Variants in SLC9A9 observed in about 807,000 individuals in gnomAD.
The protein encoded by SLC9A9 is solute carrier family 9 member A9.
A neutral mutation model predicts 77.8 loss-of-function variants in SLC9A9; 62 were observed. The ratio of observed to expected loss-of-function variants is 0.80; its 90% CI spans 0.65 to 0.98. The LOEUF (loss-of-function observed/expected upper bound fraction) is 0.98. Among genes scored for constraint, SLC9A9 ranks in the 50% least tolerant of loss-of-function variants. The probability of loss-of-function intolerance (pLI) is 0.00; values close to 1 mark genes in which losing one functional copy is unlikely to be tolerated. For synonymous variants in SLC9A9, 320 were observed against 283.5 expected (o/e 1.13, Z -1.29); for missense variants, 775 against 774.9 (o/e 1.00, Z 0.00).
intron 6 of SLC9A9, among the ~76,000 whole-genome samples, chr3:143,626,186 A>G (rs572351476): frequency 6.6e-4 from 100 of 152,350 alleles, no homozygotes; most frequent in Non-Finnish European, 1.1e-3. Flanking sequence ...AACTAGTTCA[A>G]CCATTGTGGA....
chr3:143,747,728 A>G (rs1332999502), intron 4 of SLC9A9, among the ~76,000 whole-genome samples: 1 of 152,250 alleles, frequency 6.6e-6, no homozygotes, highest in Non-Finnish European at 1.5e-5. Context: ...AGCCCTGCTG[A>G]TACCTTGGTT....
intron 4 of SLC9A9, among the ~76,000 whole-genome samples, chr3:143,708,506 A>T (rs1206946580): frequency 6.6e-6 from 1 of 152,160 alleles, no homozygotes; most frequent in Non-Finnish European, 1.5e-5. Flanking sequence ...ACCTTCTTCC[A>T]TCAGAAAACT....
At chr3:143,827,107 T>C (rs2009319269) in intron 2 of SLC9A9, among the ~76,000 whole-genome samples, 1 of 152,188 alleles carries the variant, frequency 6.6e-6, no homozygotes, top group Non-Finnish European at 1.5e-5. Flanking sequence ...TCAAAACAGG[T>C]TTTGAACTTC....
chr3:143,459,501 C>T (rs574412665), intron 12 of SLC9A9, among the ~76,000 whole-genome samples: 1 of 152,066 alleles, frequency 6.6e-6, no homozygotes, highest in Non-Finnish European at 1.5e-5. Context: ...GTTTGAAAGT[C>T]TTTGCAGTTG....
At chr3:143,354,399 C>T (rs565279866) in intron 14 of SLC9A9, among the ~76,000 whole-genome samples, 11 of 152,286 alleles carry the variant, frequency 7.2e-5, no homozygotes, top group African/African-American at 2.6e-4. Flanking sequence ...GTGAAGTGAA[C>T]CTTAATTAGG....
chr3:143,776,420 T>C (rs1257852184), intron 4 of SLC9A9, among the ~76,000 whole-genome samples: 1 of 152,196 alleles, frequency 6.6e-6, no homozygotes, highest in African/African-American at 2.4e-5. Context: ...AGTGGAGTTA[T>C]AAACTAGTGA....
rs552458508 is a variant in SLC9A9 at position 143,280,013 on chromosome 3, G to A, written c.1605-11033C>T. Among the ~76,000 whole-genome samples, 3 of 152,262 alleles carry A rather than the reference G, an allele frequency of 2.0e-5. No homozygotes were observed. The South Asian group carries it at 6.2e-4, about 32-fold the overall frequency. ...TTTTAATTTTTTTTGTAGGGACAGG[G>A]TTTTGTCATGTTGCCCAGGCTGGTC... On this transcript the variant is annotated intron_variant, in intron 14 of 15. Transcript: ENST00000316549.
intron 4 of SLC9A9, among the ~76,000 whole-genome samples, chr3:143,759,583 G>C (rs1371500673): frequency 6.6e-6 from 1 of 151,866 alleles, no homozygotes; most frequent in Non-Finnish European, 1.5e-5. Context: ...TTTGAGTCCT[G>C]TCTGAGGTCC....
chr3:143,624,543 A>G (rs1289833033), intron 6 of SLC9A9, among the ~76,000 whole-genome samples: 2 of 152,224 alleles, frequency 1.3e-5, no homozygotes, highest in Admixed American at 6.5e-5. Flanking sequence ...GGTGCAGAAA[A>G]GGCCTTTGAC....
At chr3:143,284,880 A>G (rs952161197) in intron 14 of SLC9A9, among the ~76,000 whole-genome samples, 3 of 152,220 alleles carry the variant, frequency 2.0e-5, no homozygotes, top group African/African-American at 7.2e-5. Flanking sequence ...TTCCAAGCCC[A>G]GCAATACTTA....
At chr3:143,446,215 A>G (rs2034838299) in intron 12 of SLC9A9, among the ~76,000 whole-genome samples, 2 of 152,088 alleles carry the variant, frequency 1.3e-5, no homozygotes, top group African/African-American at 4.8e-5. Context: ...TATGATTAAC[A>G]GGCAAGTAGA....
intron 14 of SLC9A9, among the ~76,000 whole-genome samples, chr3:143,325,201 A>G (rs1271725879): frequency 6.6e-6 from 1 of 151,782 alleles, no homozygotes; most frequent in African/African-American, 2.4e-5. Context: ...CATGTCACTT[A>G]CCCTCCCTCG....
At chr3:143,690,794 T>C (rs62267197) in intron 5 of SLC9A9, among the ~76,000 whole-genome samples, 65,539 of 151,902 alleles carry the variant, frequency 0.43, 14,314 homozygotes, top group South Asian at 0.6. Context: ...AAAAATGGAT[T>C]ATTTGCCCTG....
At chr3:143,714,520 A>G (rs753925299) in intron 4 of SLC9A9, among the ~76,000 whole-genome samples, 2 of 152,226 alleles carry the variant, frequency 1.3e-5, no homozygotes, top group Non-Finnish European at 2.9e-5. Flanking sequence ...GTCTCCCTGT[A>G]TCTCACTTCC....
At chr3:143,823,392 A>G (rs145312003) in intron 2 of SLC9A9, among the ~76,000 whole-genome samples, 5 of 152,324 alleles carry the variant, frequency 3.3e-5, no homozygotes, top group African/African-American at 4.8e-5. Context: ...GCATGGGGAC[A>G]TTCGGGGTGA....
At chr3:143,486,052 G>A (rs1483684540) in intron 11 of SLC9A9, among the ~76,000 whole-genome samples, 4 of 152,020 alleles carry the variant, frequency 2.6e-5, no homozygotes, top group African/African-American at 9.7e-5. Context: ...ACACATATAA[G>A]GGATCCTTAA....
At chr3:143,537,724 T>A (rs1187237469) in intron 9 of SLC9A9, among the ~76,000 whole-genome samples, 1 of 152,212 alleles carries the variant, frequency 6.6e-6, no homozygotes, top group Non-Finnish European at 1.5e-5. Context: ...GGGTCACTTG[T>A]GTTCCCAGGG....
At chr3:143,758,169 T>C (rs1451506962) in intron 4 of SLC9A9, among the ~76,000 whole-genome samples, 1 of 152,196 alleles carries the variant, frequency 6.6e-6, no homozygotes, top group African/African-American at 2.4e-5. Flanking sequence ...CATTGCCAAC[T>C]CATGGTCGAT....
chr3:143,429,440 G>T (rs1436365067), intron 12 of SLC9A9, among the ~76,000 whole-genome samples: 1 of 152,218 alleles, frequency 6.6e-6, no homozygotes, highest in Non-Finnish European at 1.5e-5. Context: ...GAAGAGAAAA[G>T]GAGGGGAGAA....
Sources: allele counts gnomAD v4.1 joint callset (sites outside exome capture counted in the v4.1 genomes callset), GRCh38; gene constraint gnomAD v4.1.1; transcripts MANE v1.5; gene names NCBI Gene and HGNC (gene_info 2026-07-23, HGNC 2026-07-21).